Variants in RAB11FIP2 observed in about 807,000 individuals in gnomAD.
RAB11FIP2 encodes rab11 family-interacting protein 2.
Under a neutral mutation model 40.9 loss-of-function variants are expected in RAB11FIP2, and 16 were observed. That is an observed-to-expected ratio of 0.39 (90% CI 0.26 to 0.59). The LOEUF (loss-of-function observed/expected upper bound fraction) is 0.59, where lower values mean the gene tolerates loss of function less well. Ranked by LOEUF, RAB11FIP2 falls within the 20% of genes least tolerant of loss-of-function variation. The pLI is 0.53. For synonymous variants in RAB11FIP2, 228 were observed against 213.7 expected (o/e 1.07, Z -0.58); for missense variants, 532 against 606.2 (o/e 0.88, Z 1.28).
chr10:118,007,290 T>C lies in RAB11FIP2; in HGVS notation c.*1708A>G, dbSNP rs1446809697. 6.6e-6 allele frequency: 1 copy of C among 151,964 alleles called. No individual in the cohort carries two copies. Among genetic ancestry groups the C allele is most frequent in the Non-Finnish European group, 1.5e-5 (1 of 67,892 alleles). The allele number at this position is 151,964 out of a possible 1,614,324, so 9.4% of individuals were successfully genotyped here. On this transcript the variant is annotated 3_prime_UTR_variant, in exon 5 of 5. Transcript: ENST00000355624. ...TAAAAGCTATTTTTCCTTCTCCATTTCTTAAAGCATTTAATTTTTATGAAA... is the reference window on the plus strand; with the variant it reads ...TAAAAGCTATTTTTCCTTCTCCATTCCTTAAAGCATTTAATTTTTATGAAA...
In RAB11FIP2 at chr10:118,024,470, C is replaced by CGTGTGTGTGTGTGTGTGTGTGT. The variant is rs55723398; in HGVS notation, c.1266-9382_1266-9361dup. On this transcript the variant is annotated intron_variant, in intron 3 of 4. Transcript: ENST00000355624. Reference sequence around the variant, plus strand: ...CTACGTATCCATTAGTCATCATCATCGTGTGTGTGTGTGTGTGTGTGTGTG... The same window carrying CGTGTGTGTGTGTGTGTGTGTGT: ...CTACGTATCCATTAGTCATCATCATCGTGTGTGTGTGTGTGTGTGTGTGTGTGTGTGTGTGTGTGTGTGTGTG... Among the ~76,000 whole-genome samples the CGTGTGTGTGTGTGTGTGTGTGT allele has an allele frequency of 9.1e-5, 12 of 131,726 alleles. 1 individual carries two copies. Among genetic ancestry groups the CGTGTGTGTGTGTGTGTGTGTGT allele is most frequent in the East Asian group, 2.3e-4 (1 of 4,420 alleles). 86.4% of individuals were successfully genotyped at this position (131,726 alleles called of 152,430 possible). A position where few individuals can be genotyped will look rare whatever the true frequency, so the allele number is the denominator to read the frequency against.
At chr10:118,040,795 GC>G (rs1846548903) in intron 1 of RAB11FIP2, among the ~76,000 whole-genome samples, 1 of 152,052 alleles carries the variant, frequency 6.6e-6, no homozygotes, top group Non-Finnish European at 1.5e-5. Flanking sequence ...TAGGTCTTTG[GC>G]AAGTTTGAAA....
intron 3 of RAB11FIP2, among the ~76,000 whole-genome samples, chr10:118,019,133 G>T (rs1251563447): frequency 6.6e-6 from 1 of 152,038 alleles, no homozygotes; most frequent in Non-Finnish European, 1.5e-5. Context: ...ATCTTTCAAT[G>T]AGAAGTCACA....
At chr10:118,014,016 T>C (rs1846186353) in intron 4 of RAB11FIP2, among the ~76,000 whole-genome samples, 2 of 150,524 alleles carry the variant, frequency 1.3e-5, no homozygotes, top group African/African-American at 5.0e-5. Flanking sequence ...TGCCATATTA[T>C]AAAGACTTGA....
chr10:118,039,150 C>G lies in RAB11FIP2; in HGVS notation c.1087G>C (p.Val363Leu). The change falls in exon 3 of 5, where the codon GTG becomes CTG. Residue 363 changes from valine to leucine, a missense_variant. Physicochemically the swap from Val to Leu is conservative, Grantham distance 32 (BLOSUM62 1). Coordinates refer to ENST00000355624, the MANE Select transcript of RAB11FIP2 (RefSeq NM_014904.3). ...KREKVSLFERVTGKKDSRRSD... is the reference protein window; with the variant it reads ...KREKVSLFERLTGKKDSRRSD... ...CTTCTGCTATCTTTTTTTCCAGTCA[C>G]TCTTTCAAACAGGCTAACTTTCTCC... The G allele has an allele frequency of 2.5e-6, 4 of 1,613,658 alleles. No homozygotes were observed. Among genetic ancestry groups the G allele is most frequent in the Non-Finnish European group, 2.5e-6 (3 of 1,179,752 alleles).
At position 118,005,210 on chromosome 10, in the gene RAB11FIP2, T is replaced by C. The variant is rs2133156316; in HGVS notation, c.*3788A>G. On this transcript the variant is annotated 3_prime_UTR_variant, in exon 5 of 5. Coordinates refer to ENST00000355624, the MANE Select transcript of RAB11FIP2 (RefSeq NM_014904.3). ...CTCAAAACACAAACCATCTGGAAGC[T>C]TCGAAGACTAACAGGCCCACATGTA... is the stretch of plus-strand genomic sequence containing the variant. 2 of 152,766 alleles carry C rather than the reference T, an allele frequency of 1.3e-5. No homozygotes were observed. The highest frequency in any genetic ancestry group is 6.8e-3 in the Middle Eastern group (2 of 294). 9.5% of individuals were successfully genotyped at this position (152,766 alleles called of 1,614,324 possible). A position where few individuals can be genotyped will look rare whatever the true frequency, so the allele number is the denominator to read the frequency against.
intron 3 of RAB11FIP2, among the ~76,000 whole-genome samples, chr10:118,018,899 G>GT (rs920564573): frequency 1.1e-4 from 16 of 151,536 alleles, no homozygotes; most frequent in South Asian, 4.2e-4. Flanking sequence ...ATCAAAGTGG[G>GT]TTTTTTTTGT....
intron 4 of RAB11FIP2, among the ~76,000 whole-genome samples, chr10:118,009,834 T>C (rs1004952781): frequency 3.3e-5 from 5 of 152,146 alleles, no homozygotes; most frequent in Non-Finnish European, 5.9e-5. Flanking sequence ...CCTGAGTAAC[T>C]GGTCTATTTC....
intron 1 of RAB11FIP2, among the ~76,000 whole-genome samples, chr10:118,044,614 T>C (rs940224837): frequency 1.3e-5 from 2 of 152,102 alleles, no homozygotes; most frequent in Non-Finnish European, 1.5e-5. Context: ...ATTTCTGATC[T>C]CTCTACACTT....
rs752567364 is a variant in RAB11FIP2 at position 118,039,043 on chromosome 10, G to A, written c.1194C>T (p.Asp398=). Reference sequence around the variant, plus strand: ...GATTGGTTGACTCATAATCAAAATAGTCCTGGCGATTTTCACTAAATGCAT... The same window carrying A: ...GATTGGTTGACTCATAATCAAAATAATCCTGGCGATTTTCACTAAATGCAT... ...SPNAFSENRQ[D]YFDYESTNPF... Residue 398 remains aspartate, a synonymous_variant, in exon 3 of 5, where the codon GAC becomes GAT. Coordinates refer to ENST00000355624, the MANE Select transcript of RAB11FIP2 (RefSeq NM_014904.3). 2 of 1,612,842 alleles carry A rather than the reference G, an allele frequency of 1.2e-6. No homozygotes were observed. Among genetic ancestry groups the A allele is most frequent in the South Asian group, 1.1e-5 (1 of 90,752 alleles).
chr10:118,026,463 A>C (rs1055086224), intron 3 of RAB11FIP2, among the ~76,000 whole-genome samples: 1 of 152,210 alleles, frequency 6.6e-6, no homozygotes, highest in Admixed American at 6.5e-5. Flanking sequence ...GCTCTGACAC[A>C]GAAATAAAAG....
chr10:118,046,200 A>AGTG lies in RAB11FIP2; in HGVS notation c.-38_-37insCAC, dbSNP rs1846633292. On this transcript the variant is annotated 5_prime_UTR_variant, in exon 1 of 5. Transcript: ENST00000355624. ...TCTCTGCCCCCGAGTTCCCTAGCAC[A>AGTG]GGCAGTGCCCCTCCCGGAGGGAGAG... 2.6e-6 allele frequency: 4 copies of AGTG among 1,557,514 alleles called. No homozygotes were observed. The Admixed American group carries it at 6.9e-5, about 27-fold the overall frequency.
chr10:118,046,278 T>C lies in RAB11FIP2; in HGVS notation c.-115A>G. ...GGACACTTAACGGAAACAGGCAGGC[T>C]CAGGGCTCCCCGACTTCCCTATGGC... On this transcript the variant is annotated 5_prime_UTR_variant, in exon 1 of 5. The change abolishes the stop of an existing upstream ORF in the 5' untranslated region. Transcript: ENST00000355624. The C allele has an allele frequency of 1.1e-6, 1 of 949,572 alleles. No individual in the cohort carries two copies. The highest frequency in any genetic ancestry group is 1.6e-6 in the Non-Finnish European group (1 of 623,964). The allele number at this position is 949,572 out of a possible 1,614,324, so 58.8% of individuals were successfully genotyped here. A position where few individuals can be genotyped will look rare whatever the true frequency, so the allele number is the denominator to read the frequency against.
At chr10:118,018,563 GT>G (rs1846248393) in intron 3 of RAB11FIP2, among the ~76,000 whole-genome samples, 1 of 152,174 alleles carries the variant, frequency 6.6e-6, no homozygotes, top group Non-Finnish European at 1.5e-5. Flanking sequence ...ACATTCTGAA[GT>G]TTTTATGCAA....
At chr10:118,015,040 C>T (rs755940967) in intron 4 of RAB11FIP2, 25 bp downstream of exon 4, 1 of 1,575,712 alleles carries the variant, frequency 6.3e-7, no homozygotes, top group East Asian at 2.3e-5. Flanking sequence ...TCTTTGACAA[C>T]CCTCTAACCC....
chr10:118,038,746 T>C (rs1042539649), intron 3 of RAB11FIP2, among the ~76,000 whole-genome samples: 1 of 152,102 alleles, frequency 6.6e-6, no homozygotes, highest in South Asian at 2.1e-4. Flanking sequence ...TAAGTGGAAG[T>C]AGACCAGGAT....
chr10:118,032,866 G>A (rs1157255534), intron 3 of RAB11FIP2, among the ~76,000 whole-genome samples: 3 of 152,006 alleles, frequency 2.0e-5, no homozygotes, highest in East Asian at 3.9e-4. Flanking sequence ...CTGCCCATTA[G>A]TTACTTAGTA....
intron 4 of RAB11FIP2, among the ~76,000 whole-genome samples, chr10:118,010,817 A>G (rs962210277): frequency 5.9e-5 from 9 of 152,062 alleles, no homozygotes; most frequent in African/African-American, 9.7e-5. Context: ...TTGTTCAAAG[A>G]AGGAAACAAG....
Position 118,015,117 on chromosome 10 carries a change from A to G in RAB11FIP2, c.1266-7T>C. The G allele has an allele frequency of 6.2e-7, 1 of 1,600,528 alleles. No individual in the cohort carries two copies. Among genetic ancestry groups the G allele is most frequent in the East Asian group, 2.2e-5 (1 of 44,544 alleles). ...TGTTGGACTCATATGAAAACTAATA[A>G]AACACAAACAAATGTTAAAAGTGTC... On this transcript the variant is annotated splice_polypyrimidine_tract_variant and splice_region_variant and intron_variant, in intron 3 of 4. Transcript: ENST00000355624.
Sources: gnomAD v4.1 joint callset for allele counts (sites outside exome capture counted in the v4.1 genomes callset) on GRCh38, gnomAD v4.1.1 for gene constraint, MANE v1.5 for transcripts, NCBI Gene and HGNC (gene_info 2026-07-23, HGNC 2026-07-21) for gene names.